Variants in SPAG5 observed in about 807,000 individuals in gnomAD.
SPAG5 encodes sperm associated antigen 5.
SPAG5 carries 99 observed loss-of-function variants against 145.4 expected under a neutral mutation model. The ratio of observed to expected loss-of-function variants is 0.68; its 90% CI spans 0.58 to 0.80. The LOEUF (loss-of-function observed/expected upper bound fraction) is 0.80. Among genes scored for constraint, SPAG5 ranks in the 30% least tolerant of loss-of-function variants. The pLI is 0.00. For missense variants in SPAG5, 1,192 were observed against 1,416.0 expected (o/e 0.84, Z 2.54); for synonymous variants, 477 against 525.4 (o/e 0.91, Z 1.26).
chr17:28,598,998 T>TCACGTCTCAGACCAA lies in SPAG5; in HGVS notation c.-53_-52insTTGGTCTGAGACGTG. ...GTCTCAGACCAAGTCGAGGACGCCATGTTCACCCGCCGTCTGTGTTTGAAC... is the reference window on the plus strand; with the variant it reads ...GTCTCAGACCAAGTCGAGGACGCCATCACGTCTCAGACCAAGTTCACCCGCCGTCTGTGTTTGAAC... On this transcript the variant is annotated 5_prime_UTR_variant, in exon 1 of 24. Coordinates refer to ENST00000321765, the MANE Select transcript of SPAG5 (RefSeq NM_006461.4). 2.6e-6 allele frequency: 4 copies of TCACGTCTCAGACCAA among 1,568,610 alleles called. No homozygotes were observed. In the South Asian group the frequency reaches 4.4e-5, roughly 17 times the overall value.
At chr17:28,586,359 C>G in intron 5 of SPAG5, 66 bp downstream of exon 5, 4 of 1,392,062 alleles carry the variant, frequency 2.9e-6, no homozygotes, top group Non-Finnish European at 4.1e-6. Context: ...TACTAACCAC[C>G]CAGGATTCTC....
Position 28,583,544 on chromosome 17 carries a change from C to G in SPAG5, c.2652G>C (p.Leu884=). 6.2e-7 allele frequency: 1 copy of G among 1,611,236 alleles called. No homozygotes were observed. Among genetic ancestry groups the G allele is most frequent in the Non-Finnish European group, 8.5e-7 (1 of 1,179,210 alleles). The part of the protein sequence containing the change: ...LGLLTEQLQS[L]TLFLQTKLKE... ...TTAGTTTTGTCTGTAGAAAGAGAGT[C>G]AGGCTCTGTAGTTGCTCAGTCAGCA... Residue 884 remains leucine, a synonymous_variant, in exon 15 of 24, where the codon CTG becomes CTC. Coordinates refer to ENST00000321765, the MANE Select transcript of SPAG5 (RefSeq NM_006461.4).
rs765361983 is a variant in SPAG5 at position 28,578,241 on chromosome 17, G to A, written c.3406C>T (p.Leu1136Phe). The A allele has an allele frequency of 3.7e-6, 6 of 1,614,066 alleles. No homozygotes were observed. In the African/African-American group the frequency reaches 6.7e-5, roughly 18 times the overall value. Residue 1136 changes from leucine (L) to phenylalanine (F), a missense_variant, in exon 22 of 24, where the codon CTC (leucine) becomes TTC (phenylalanine). Coordinates refer to ENST00000321765, the MANE Select transcript of SPAG5 (RefSeq NM_006461.4). ...ACATGGCTCTGGAACTTGATCATGA[G>A]TTTTTCCTTCTCATTTTTCATCTCC... ...FLEMKNEKEKLMIKFQSHRNI... is the reference protein window; with the variant it reads ...FLEMKNEKEKFMIKFQSHRNI...
rs770799281 is a variant in SPAG5 at position 28,586,057 on chromosome 17, A to G, written c.1605+33T>C. On this transcript the variant is annotated intron_variant, in intron 6 of 23. Coordinates refer to ENST00000321765, the MANE Select transcript of SPAG5 (RefSeq NM_006461.4). ...CCTCTTTATGGCTTTTAGTCCCACCACAGGCCTCCACCTCCATCTTCAGGC... is the reference window on the plus strand; with the variant it reads ...CCTCTTTATGGCTTTTAGTCCCACCGCAGGCCTCCACCTCCATCTTCAGGC... The G allele has an allele frequency of 8.1e-6, 13 of 1,613,632 alleles. No homozygotes were observed. In the African/African-American group the frequency reaches 1.7e-4, roughly 22 times the overall value.
intron 2 of SPAG5, among the ~76,000 whole-genome samples, chr17:28,593,745 T>C (rs1356222741): frequency 1.3e-5 from 2 of 150,702 alleles, no homozygotes; most frequent in Non-Finnish European, 3.0e-5. Flanking sequence ...AATAAATAAA[T>C]AAAAAAGGTA....
At chr17:28,580,220 A>G in intron 15 of SPAG5, 100 bp from the exon 16 acceptor site, 1 of 656,150 alleles carries the variant, frequency 1.5e-6, no homozygotes, top group African/African-American at 1.8e-5. Flanking sequence ...TGTTCCACCT[A>G]TTATCTCAAT....
At chr17:28,579,627 GA>G in intron 17 of SPAG5, 123 bp downstream of exon 17, 1 of 1,381,718 alleles carries the variant, frequency 7.2e-7, no homozygotes. Flanking sequence ...CCAGAAGGCA[GA>G]AATAAAATGA....
At position 28,598,587 on chromosome 17, in the gene SPAG5, C is replaced by T; in HGVS notation, c.100G>A (p.Gly34Ser). Reference sequence around the variant, plus strand: ...CTTTTTCCAGAGTTGGTGAGGGCACCGGGCTGCAGGGTAAGTTCACGGAGA... The same window carrying T: ...CTTTTTCCAGAGTTGGTGAGGGCACTGGGCTGCAGGGTAAGTTCACGGAGA... ...TPLRELTLQP[G>S]ALTNSGKRSP... Residue 34 changes from glycine (G) to serine (S), a missense_variant, in exon 2 of 24, where the codon GGT (glycine) becomes AGT (serine). Around this residue, in one of 5 missense-constraint regions of SPAG5, gnomAD observed 329 missense variants for 354.0 expected, o/e 0.93. Coordinates refer to ENST00000321765, the MANE Select transcript of SPAG5 (RefSeq NM_006461.4). 1 of 1,613,088 alleles carries T rather than the reference C, an allele frequency of 6.2e-7. No homozygotes were observed.
chr17:28,596,501 CTA>C (rs1001882614), intron 2 of SPAG5, among the ~76,000 whole-genome samples: 3 of 151,212 alleles, frequency 2.0e-5, no homozygotes, highest in Non-Finnish European at 4.4e-5. Context: ...AACCCCGTCT[CTA>C]TTAAAAATAC....
intron 17 of SPAG5, 64 bp downstream of exon 17, chr17:28,579,687 C>A: frequency 6.6e-7 from 1 of 1,510,440 alleles, no homozygotes; most frequent in South Asian, 1.1e-5. Flanking sequence ...TCACTGCTTT[C>A]GTCTTTACTC....
rs748968098 is a variant in SPAG5 at position 28,586,481 on chromosome 17, G to T, written c.1456C>A (p.His486Asn). 3 of 1,613,612 alleles carry T rather than the reference G, an allele frequency of 1.9e-6. No homozygotes were observed. The highest frequency in any genetic ancestry group is 2.5e-6 in the Non-Finnish European group (3 of 1,179,506). ...CCCATCTCATGGCTCTCCTTAAGAT[G>T]CTGAAGTTTATTAGTTATCTAGCCA... ...SHSGITNKLQ[H>N]LKESHEMGQA... Residue 486 changes from histidine to asparagine, a missense_variant, in exon 5 of 24, where the codon CAT becomes AAT. By Grantham distance (68) the His-to-Asn change is moderately conservative. Coordinates refer to ENST00000321765, the MANE Select transcript of SPAG5 (RefSeq NM_006461.4).
rs777032975 is a variant in SPAG5 at position 28,579,188 on chromosome 17, C to T, written c.3070G>A (p.Glu1024Lys). The T allele has an allele frequency of 1.2e-6, 2 of 1,614,086 alleles. No homozygotes were observed. Among genetic ancestry groups the T allele is most frequent in the Non-Finnish European group, 1.7e-6 (2 of 1,180,058 alleles). Residue 1024 changes from glutamate (E) to lysine (K), a missense_variant, in exon 19 of 24, where the codon GAA (glutamate) becomes AAA (lysine). Transcript: ENST00000321765. ...TGGTTCAGCTTCTCTATGTCTGCTT[C>T]TTTTGCCTTCTGGACTTCCTGATGC... ...EQHQEVQKAK[E>K]ADIEKLNQAL...
chr17:28,586,310 G>A, intron 5 of SPAG5, 115 bp downstream of exon 5: 1 of 1,235,126 alleles, frequency 8.1e-7, no homozygotes, highest in Non-Finnish European at 1.2e-6. Flanking sequence ...ACAAATGTTT[G>A]GAAACCTCCC....
At position 28,592,378 on chromosome 17, in the gene SPAG5, G is replaced by T; in HGVS notation, c.866C>A (p.Ser289Tyr). The change falls in exon 3 of 24, where the codon TCT (serine) becomes TAT (tyrosine). Residue 289 changes from serine to tyrosine, a missense_variant. Physicochemically the swap from Ser to Tyr is moderately radical, Grantham distance 144. Coordinates refer to ENST00000321765, the MANE Select transcript of SPAG5 (RefSeq NM_006461.4). Reference protein sequence around the residue: ...EMRFPTHPKESETEDQALVSS... With the variant: ...EMRFPTHPKEYETEDQALVSS... ...GACAAGTGCTTGATCTTCTGTTTCA[G>T]ACTCCTTAGGATGTGTGGGAAACCT... 5 of 1,614,142 alleles carry T rather than the reference G, an allele frequency of 3.1e-6. No individual in the cohort carries two copies. Among genetic ancestry groups the T allele is most frequent in the Non-Finnish European group, 4.2e-6 (5 of 1,180,020 alleles).
Position 28,578,311 on chromosome 17 carries a change from C to A in SPAG5, c.3355-19G>T. On this transcript the variant is annotated intron_variant, in intron 21 of 23. Coordinates refer to ENST00000321765, the MANE Select transcript of SPAG5 (RefSeq NM_006461.4). ...TGTCCACCTAGAAATATGTCCAGATCAACAGGGGTACAGCCTGGGGTCCCC... is the reference window on the plus strand; with the variant it reads ...TGTCCACCTAGAAATATGTCCAGATAAACAGGGGTACAGCCTGGGGTCCCC... The A allele has an allele frequency of 6.2e-7, 1 of 1,614,114 alleles. No homozygotes were observed. Among genetic ancestry groups the A allele is most frequent in the Non-Finnish European group, 8.5e-7 (1 of 1,180,004 alleles).
In SPAG5 at chr17:28,584,649, C is replaced by T; in HGVS notation, c.2161+3G>A. 6.2e-7 allele frequency: 1 copy of T among 1,612,598 alleles called. No homozygotes were observed. The highest frequency in any genetic ancestry group is 1.1e-5 in the South Asian group (1 of 91,046). On this transcript the variant is annotated splice_donor_region_variant and intron_variant, in intron 11 of 23. Coordinates refer to ENST00000321765, the MANE Select transcript of SPAG5 (RefSeq NM_006461.4). ...ATGCATACACACACACACACACAAACACCTGTTGCTAGACGACTGTTTTCC... is the reference window on the plus strand; with the variant it reads ...ATGCATACACACACACACACACAAATACCTGTTGCTAGACGACTGTTTTCC...
chr17:28,584,595 G>A (rs962108360), intron 11 of SPAG5, 57 bp downstream of exon 11: 2 of 1,598,120 alleles, frequency 1.3e-6, no homozygotes, highest in African/African-American at 2.7e-5. Flanking sequence ...CACACTCCAA[G>A]CCTTAACAGG....
At position 28,592,677 on chromosome 17, in the gene SPAG5, A is replaced by T; in HGVS notation, c.567T>A (p.Ser189=). The T allele has an allele frequency of 6.2e-7, 1 of 1,614,158 alleles. No individual in the cohort carries two copies. The highest frequency in any genetic ancestry group is 8.5e-7 in the Non-Finnish European group (1 of 1,180,004). The part of the protein sequence containing the change: ...GDRFSEVAAV[S]EKPIFQESPS... ...GAGATTCCTGAAAGATAGGTTTCTC[A>T]GATACAGCAGCAACTTCTGAAAACC... Residue 189 remains serine, a synonymous_variant, in exon 3 of 24, where the codon TCT becomes TCA. Transcript: ENST00000321765.
chr17:28,591,681 G>T lies in SPAG5; in HGVS notation c.1437+17C>A, dbSNP rs909316054. The T allele has an allele frequency of 4.4e-6, 7 of 1,589,098 alleles. No individual in the cohort carries two copies. The highest frequency in any genetic ancestry group is 6.0e-6 in the Non-Finnish European group (7 of 1,165,448). On this transcript the variant is annotated intron_variant, in intron 4 of 23. Coordinates refer to ENST00000321765, the MANE Select transcript of SPAG5 (RefSeq NM_006461.4). ...TCCCCACTGGGATCCCTCAAGCTTT[G>T]AGAGGAACCTTCTTACCCCACTGTG...
Sources: gnomAD v4.1 joint callset for allele counts (sites outside exome capture counted in the v4.1 genomes callset) on GRCh38, gnomAD v4.1.1 for gene constraint, gnomAD v4.1.1 regional missense constraint, MANE v1.5 for transcripts, NCBI Gene and HGNC (gene_info 2026-07-23, HGNC 2026-07-21) for gene names.